The following CSMD1 variants were observed in gnomAD, a reference collection of about 807,000 sequenced individuals.
CSMD1 encodes the protein CUB and Sushi multiple domains 1.
A neutral mutation model predicts 417.5 loss-of-function variants in CSMD1; 213 were observed. That is an observed-to-expected ratio of 0.51 (90% confidence interval 0.46 to 0.57). The LOEUF (loss-of-function observed/expected upper bound fraction) is 0.57, where lower values mean the gene tolerates loss of function less well. CSMD1 is among the 20% of genes least tolerant of loss of function. The probability of loss-of-function intolerance (pLI) is 0.00; values close to 1 mark genes in which losing one functional copy is unlikely to be tolerated. For missense variants in CSMD1, 6,923 were observed against 4,529.7 expected (o/e 1.53, Z -15.17); for synonymous variants, 2,862 against 1,736.8 (o/e 1.65, Z -16.11).
At chr8:4,756,330 T>C (rs894433106) in intron 1 of CSMD1, among the ~76,000 whole-genome samples, 6 of 152,276 alleles carry the variant, frequency 3.9e-5, no homozygotes, top group African/African-American at 1.2e-4. Flanking sequence ...AGAAACACCA[T>C]AACTCATCAA....
At chr8:4,638,740 G>A (rs1018337453) in intron 1 of CSMD1, among the ~76,000 whole-genome samples, 1 of 152,154 alleles carries the variant, frequency 6.6e-6, no homozygotes, top group African/African-American at 2.4e-5. Context: ...AGGTGGAATT[G>A]GGATCACCCT....
intron 6 of CSMD1, among the ~76,000 whole-genome samples, chr8:3,715,105 TA>T (rs1801750379): frequency 6.6e-6 from 1 of 152,226 alleles, no homozygotes; most frequent in African/African-American, 2.4e-5. Context: ...TTTTGTGTTT[TA>T]CACTGAGGAA....
At chr8:4,235,459 T>A (rs1319858839) in intron 3 of CSMD1, among the ~76,000 whole-genome samples, 1 of 152,186 alleles carries the variant, frequency 6.6e-6, no homozygotes, top group East Asian at 1.9e-4. Flanking sequence ...AAGTACCTGC[T>A]GAGTGTGATT....
At position 4,673,412 on chromosome 8, in the gene CSMD1, C is replaced by T. The variant is rs553472486; in HGVS notation, c.86-35854G>A. ...TGCTGCCATCTGTAAGGATTATCCT[C>T]CTTTCCAACCTAGGGCCCAGAGGTG... is the stretch of plus-strand genomic sequence containing the variant. On this transcript the variant is annotated intron_variant, in intron 1 of 69. Transcript: ENST00000635120. Among the ~76,000 whole-genome samples, 4 of 152,146 alleles carry T rather than the reference C, an allele frequency of 2.6e-5. No homozygotes were observed. In the East Asian group the frequency reaches 7.7e-4, roughly 29 times the overall value.
intron 31 of CSMD1, among the ~76,000 whole-genome samples, chr8:3,201,989 T>C (rs185744418): frequency 6.6e-6 from 1 of 152,260 alleles, no homozygotes; most frequent in Non-Finnish European, 1.5e-5. Context: ...GGAATGTTTT[T>C]GTTTTAATAA....
At chr8:4,838,839 C>A (rs1023228053) in intron 1 of CSMD1, among the ~76,000 whole-genome samples, 1 of 152,208 alleles carries the variant, frequency 6.6e-6, no homozygotes, top group Non-Finnish European at 1.5e-5. Context: ...GAATGTGACA[C>A]TTCTTGTTTC....
intron 27 of CSMD1, 61 bp from the exon 28 acceptor site, chr8:3,223,928 G>C (rs908556664): frequency 2.3e-5 from 36 of 1,549,482 alleles, no homozygotes; most frequent in Non-Finnish European, 2.8e-5. Flanking sequence ...CTGCCAGTCA[G>C]TGTGGAAGGA....
chr8:4,858,665 A>G (rs1801949370), intron 1 of CSMD1, among the ~76,000 whole-genome samples: 1 of 151,642 alleles, frequency 6.6e-6, no homozygotes, highest in Non-Finnish European at 1.5e-5. Flanking sequence ...CCCATTCACA[A>G]TTGCTTCAAA....
intron 11 of CSMD1, among the ~76,000 whole-genome samples, chr8:3,484,194 G>A (rs1050554247): frequency 6.6e-6 from 1 of 152,206 alleles, no homozygotes; most frequent in Non-Finnish European, 1.5e-5. Flanking sequence ...TTACTAAACA[G>A]TTATAGTAAT....
In CSMD1 at chr8:4,606,726, G is replaced by C. The variant is rs147680983; in HGVS notation, c.302+30616C>G. Among the ~76,000 whole-genome samples, 298 of 152,246 alleles carry C rather than the reference G, an allele frequency of 2.0e-3. 1 individual carries two copies. The highest frequency in any genetic ancestry group is 6.9e-3 in the African/African-American group (287 of 41,538). ...TTGATCTATCCTCCAGTTTGATAAA[G>C]ACCTTTTTCTAATAAAGACCTTTTA... On this transcript the variant is annotated intron_variant, in intron 2 of 69. Transcript: ENST00000635120.
intron 2 of CSMD1, among the ~76,000 whole-genome samples, chr8:4,468,084 G>T (rs961410517): frequency 6.6e-6 from 1 of 152,126 alleles, no homozygotes; most frequent in Non-Finnish European, 1.5e-5. Context: ...AAATTGATCT[G>T]CACTGTTCTG....
At chr8:3,394,320 C>A (rs1023668291) in intron 17 of CSMD1, among the ~76,000 whole-genome samples, 2 of 148,768 alleles carry the variant, frequency 1.3e-5, no homozygotes, top group Admixed American at 1.3e-4. Flanking sequence ...GTGAGGATGA[C>A]AAGCTAAATA....
chr8:3,297,910 C>T (rs1405410339), intron 25 of CSMD1, among the ~76,000 whole-genome samples: 1 of 151,990 alleles, frequency 6.6e-6, no homozygotes, highest in African/African-American at 2.4e-5. Flanking sequence ...CAAAAGAAAT[C>T]ATTTCAGTAT....
At chr8:3,211,155 C>A (rs1272673425) in intron 30 of CSMD1, among the ~76,000 whole-genome samples, 1 of 152,112 alleles carries the variant, frequency 6.6e-6, no homozygotes, top group African/African-American at 2.4e-5. Flanking sequence ...AGTGATACTC[C>A]CACTACAGCC....
At chr8:4,174,981 T>A (rs1036220511) in intron 3 of CSMD1, among the ~76,000 whole-genome samples, 2 of 151,568 alleles carry the variant, frequency 1.3e-5, no homozygotes, top group African/African-American at 4.9e-5. Flanking sequence ...CTCTTTGAGA[T>A]ACTTGCTGAA....
intron 1 of CSMD1, among the ~76,000 whole-genome samples, chr8:4,804,647 C>G (rs1798490965): frequency 6.6e-6 from 1 of 152,078 alleles, no homozygotes; most frequent in Middle Eastern, 3.4e-3. Context: ...GATAATATTA[C>G]AAAGAATTTT....
chr8:4,246,861 AATC>A (rs1802745327), intron 3 of CSMD1, among the ~76,000 whole-genome samples: 1 of 152,090 alleles, frequency 6.6e-6, no homozygotes, highest in African/African-American at 2.4e-5. Context: ...ACACTCAAAT[AATC>A]TACAAAGTGA....
At chr8:3,742,947 G>A (rs1048492807) in intron 6 of CSMD1, among the ~76,000 whole-genome samples, 2 of 152,128 alleles carry the variant, frequency 1.3e-5, no homozygotes, top group African/African-American at 4.8e-5. Context: ...TCATCTTCTT[G>A]ACAGGATACC....
At chr8:4,875,164 C>G (rs1232304830) in intron 1 of CSMD1, among the ~76,000 whole-genome samples, 1 of 151,878 alleles carries the variant, frequency 6.6e-6, no homozygotes, top group Non-Finnish European at 1.5e-5. Context: ...GCCTACAAAT[C>G]TTGAAAGATT....
Sources: gnomAD v4.1 joint callset for allele counts (sites outside exome capture counted in the v4.1 genomes callset) on GRCh38, gnomAD v4.1.1 for gene constraint, MANE v1.5 for transcripts, NCBI Gene and HGNC (gene_info 2026-07-23, HGNC 2026-07-21) for gene names.